The following FRAS1 variants were observed in gnomAD, a reference collection of about 807,000 sequenced individuals.
The protein encoded by FRAS1 is extracellular matrix organizing protein FRAS1.
A neutral mutation model predicts 435.2 loss-of-function variants in FRAS1; 290 were observed. The observed-to-expected ratio is 0.67, with a 90% CI of 0.61 to 0.73. FRAS1 has a LOEUF of 0.73. FRAS1 is among the 30% of genes least tolerant of loss of function. The pLI is 0.00. For synonymous variants in FRAS1, 1,800 were observed against 1,851.0 expected (o/e 0.97, Z 0.71); for missense variants, 4,860 against 5,001.5 (o/e 0.97, Z 0.85).
intron 68 of FRAS1, 63 bp downstream of exon 68, chr4:78,521,693 A>T (rs961240018): frequency 4.2e-5 from 43 of 1,032,204 alleles, no homozygotes; most frequent in Non-Finnish European, 6.4e-5. Context: ...ACATACAGAA[A>T]GTTGAAAGAA....
intron 14 of FRAS1, among the ~76,000 whole-genome samples, chr4:78,298,944 AG>A (rs912721605): frequency 6.6e-6 from 1 of 152,232 alleles, no homozygotes; most frequent in Non-Finnish European, 1.5e-5. Flanking sequence ...ATGATAAGAG[AG>A]GCATATGCAA....
intron 35 of FRAS1, among the ~76,000 whole-genome samples, chr4:78,426,015 G>A (rs1414767097): frequency 8.5e-5 from 13 of 152,098 alleles, no homozygotes; most frequent in Admixed American, 8.5e-4. Context: ...GCTTGAACTG[G>A]GGAGGTTGAG....
intron 14 of FRAS1, among the ~76,000 whole-genome samples, chr4:78,296,699 TCTTCC>T (rs1314331563): frequency 6.6e-6 from 1 of 152,212 alleles, no homozygotes; most frequent in Non-Finnish European, 1.5e-5. Context: ...AGGCTGTAAT[TCTTCC>T]CTTCCCTTCC....
chr4:78,297,424 G>A (rs1728187943), intron 14 of FRAS1, among the ~76,000 whole-genome samples: 1 of 152,160 alleles, frequency 6.6e-6, no homozygotes, highest in South Asian at 2.1e-4. Context: ...CCCTGGAAAA[G>A]GGCTGCATTT....
At chr4:78,335,403 C>T (rs1449874321) in intron 19 of FRAS1, among the ~76,000 whole-genome samples, 1 of 152,204 alleles carries the variant, frequency 6.6e-6, no homozygotes, top group Non-Finnish European at 1.5e-5. Context: ...TGTCAGCTGT[C>T]TTCTCCTGGA....
At chr4:78,067,670 C>A (rs1186652742) in intron 2 of FRAS1, among the ~76,000 whole-genome samples, 7 of 87,226 alleles carry the variant, frequency 8.0e-5, no homozygotes, top group Middle Eastern at 4.8e-3. Context: ...TTTTTTCTTT[C>A]TTTTATTATT....
chr4:78,326,669 G>A lies in FRAS1; in HGVS notation c.2138-6603G>A, dbSNP rs554437000. On this transcript the variant is annotated intron_variant, in intron 18 of 73. Transcript: ENST00000512123. Reference sequence around the variant, plus strand: ...GGCCAAAGCTGTACACATAAATTTAGGACTTACTAGCTTGGAAGTCATCAT... The same window carrying A: ...GGCCAAAGCTGTACACATAAATTTAAGACTTACTAGCTTGGAAGTCATCAT... 2.0e-5 allele frequency among the ~76,000 whole-genome samples: 3 copies of A among 152,274 alleles called. No homozygotes were observed. In the East Asian group the frequency reaches 5.8e-4, roughly 29 times the overall value.
At chr4:78,223,027 C>T (rs1361469321) in intron 2 of FRAS1, among the ~76,000 whole-genome samples, 3 of 152,134 alleles carry the variant, frequency 2.0e-5, no homozygotes, top group Admixed American at 6.5e-5. Context: ...TGCTTCTTTT[C>T]GGTGGCTTCC....
intron 68 of FRAS1, among the ~76,000 whole-genome samples, chr4:78,522,338 G>A (rs756770020): frequency 1.3e-5 from 2 of 152,068 alleles, no homozygotes; most frequent in Non-Finnish European, 2.9e-5. Context: ...TATATTCAGT[G>A]TTCATTGTCA....
chr4:78,210,517 G>T (rs1328272639), intron 2 of FRAS1, among the ~76,000 whole-genome samples: 1 of 152,158 alleles, frequency 6.6e-6, no homozygotes, highest in Non-Finnish European at 1.5e-5. Flanking sequence ...TGTAATAAAT[G>T]ACAGTTATAT....
intron 18 of FRAS1, chr4:78,319,544 G>C (rs759383426): frequency 1.1e-5 from 4 of 370,118 alleles, no homozygotes; most frequent in Non-Finnish European, 2.2e-5. Context: ...AAGTAGCCTT[G>C]CTGTTGGGTG....
chr4:78,477,926 G>T lies in FRAS1; in HGVS notation c.7963G>T (p.Ala2655Ser). 2 of 1,613,624 alleles carry T rather than the reference G, an allele frequency of 1.2e-6. No individual in the cohort carries two copies. The highest frequency in any genetic ancestry group is 1.7e-6 in the Non-Finnish European group (2 of 1,179,784). ...FTVELSMPAY[A>S]LLGEFTQAKV... ...TGTGGAGCTCAGCATGCCAGCTTAT[G>T]CCCTGTTAGGGGAATTCACCCAGGC... Residue 2655 changes from alanine (A) to serine (S), a missense_variant, in exon 55 of 74, where the codon GCC becomes TCC. Physicochemically the swap from Ala to Ser is moderately conservative, Grantham distance 99. Transcript: ENST00000512123.
At chr4:78,488,002 G>A (rs535965114) in intron 58 of FRAS1, among the ~76,000 whole-genome samples, 7 of 152,228 alleles carry the variant, frequency 4.6e-5, no homozygotes, top group African/African-American at 9.6e-5. Context: ...GGCATCTAGC[G>A]CCTACCTGTA....
At chr4:78,463,481 G>A (rs60966088) in intron 47 of FRAS1, among the ~76,000 whole-genome samples, 341 of 152,256 alleles carry the variant, frequency 2.2e-3, no homozygotes, top group African/African-American at 7.7e-3. Flanking sequence ...AGCTAGAATC[G>A]TAGACCTGAG....
At chr4:78,114,144 T>C (rs1742958142) in intron 2 of FRAS1, among the ~76,000 whole-genome samples, 2 of 152,192 alleles carry the variant, frequency 1.3e-5, no homozygotes, top group Admixed American at 6.5e-5. Flanking sequence ...GTTGTAGGTA[T>C]GCGGCATTAC....
At chr4:78,341,393 G>A (rs957466455) in intron 20 of FRAS1, among the ~76,000 whole-genome samples, 1 of 152,182 alleles carries the variant, frequency 6.6e-6, no homozygotes, top group African/African-American at 2.4e-5. Context: ...CTGCATTTCT[G>A]TGAAGAGAAA....
chr4:78,490,515 A>G (rs1288281692), intron 59 of FRAS1, among the ~76,000 whole-genome samples: 1 of 152,140 alleles, frequency 6.6e-6, no homozygotes, highest in Admixed American at 6.6e-5. Flanking sequence ...TCAAAACCAC[A>G]CAACTACATG....
At chr4:78,128,494 T>C (rs998484297) in intron 2 of FRAS1, among the ~76,000 whole-genome samples, 5 of 152,256 alleles carry the variant, frequency 3.3e-5, no homozygotes, top group Non-Finnish European at 7.3e-5. Flanking sequence ...TGCATTTCTC[T>C]GATAGCCAGT....
intron 65 of FRAS1, among the ~76,000 whole-genome samples, chr4:78,514,460 C>G (rs1228067146): frequency 1.3e-5 from 2 of 152,220 alleles, no homozygotes; most frequent in African/African-American, 4.8e-5. Flanking sequence ...TTCATATTCT[C>G]TTTCATATTC....
Sources: gnomAD v4.1 joint callset for allele counts (sites outside exome capture counted in the v4.1 genomes callset) on GRCh38, gnomAD v4.1.1 for gene constraint, MANE v1.5 for transcripts, NCBI Gene and HGNC (gene_info 2026-07-23, HGNC 2026-07-21) for gene names.